The following PLXNA4 variants were observed in gnomAD, a reference collection of about 807,000 sequenced individuals.
PLXNA4 encodes plexin-A4.
In PLXNA4, 44 loss-of-function variants were observed where a neutral mutation model predicts 191.8. The ratio of observed to expected loss-of-function variants is 0.23; its 90% CI spans 0.18 to 0.29. The LOEUF (loss-of-function observed/expected upper bound fraction) is 0.29. PLXNA4 is among the 10% of genes least tolerant of loss of function. The pLI is 1.00. For synonymous variants in PLXNA4, 1,082 were observed against 1,009.5 expected (o/e 1.07, Z -1.36); for missense variants, 1,800 against 2,488.8 (o/e 0.72, Z 5.89).
At chr7:132,317,321 AGTTGG>A (rs1352505414) in intron 3 of PLXNA4, among the ~76,000 whole-genome samples, 2 of 142,888 alleles carry the variant, frequency 1.4e-5, no homozygotes, top group Non-Finnish European at 3.0e-5. Flanking sequence ...AATTGGATTG[AGTTGG>A]GTTGGGTTGG....
chr7:132,255,955 G>A (rs1196297533), intron 4 of PLXNA4, among the ~76,000 whole-genome samples: 1 of 152,248 alleles, frequency 6.6e-6, no homozygotes, highest in East Asian at 1.9e-4. Context: ...GGTTATCTGT[G>A]TTCTTTATTT....
chr7:132,238,476 C>T (rs1480208019), intron 5 of PLXNA4, among the ~76,000 whole-genome samples: 1 of 152,190 alleles, frequency 6.6e-6, no homozygotes, highest in African/African-American at 2.4e-5. Flanking sequence ...CAGTAATCTT[C>T]CCAGTGTCCC....
chr7:132,380,991 G>C (rs185305826), intron 3 of PLXNA4, among the ~76,000 whole-genome samples: 3 of 152,382 alleles, frequency 2.0e-5, no homozygotes, highest in Admixed American at 2.0e-4. Flanking sequence ...AATCTCCTGA[G>C]CTAGAGACTC....
intron 1 of PLXNA4, among the ~76,000 whole-genome samples, chr7:132,537,424 T>G (rs989420157): frequency 6.6e-6 from 1 of 152,242 alleles, no homozygotes; most frequent in African/African-American, 2.4e-5. Flanking sequence ...ACAATGAAAG[T>G]AGCCTCTTAG....
At chr7:132,389,931 G>A (rs2116985496) in intron 3 of PLXNA4, among the ~76,000 whole-genome samples, 1 of 152,304 alleles carries the variant, frequency 6.6e-6, no homozygotes, top group Admixed American at 6.5e-5. Context: ...ATGCCAGAGA[G>A]GATGTGGAGA....
chr7:132,473,077 G>C (rs1025287830), intron 3 of PLXNA4, among the ~76,000 whole-genome samples: 1 of 152,228 alleles, frequency 6.6e-6, no homozygotes, highest in Non-Finnish European at 1.5e-5. Flanking sequence ...TAGAGAGAGT[G>C]GGGGCACATT....
chr7:132,563,356 CCTT>C (rs1464194314), intron 1 of PLXNA4, among the ~76,000 whole-genome samples: 21 of 114,036 alleles, frequency 1.8e-4, no homozygotes, highest in Admixed American at 3.4e-4. Context: ...TCTTTCTCCT[CCTT>C]CTCCTCCTCC....
chr7:132,372,546 G>A (rs1423367639), intron 3 of PLXNA4, among the ~76,000 whole-genome samples: 2 of 152,148 alleles, frequency 1.3e-5, no homozygotes, highest in East Asian at 3.9e-4. Flanking sequence ...AGGCAGGAGT[G>A]GAAGCCCCCA....
chr7:132,535,343 T>G (rs1799789835), intron 1 of PLXNA4, among the ~76,000 whole-genome samples: 1 of 152,228 alleles, frequency 6.6e-6, no homozygotes, highest in African/African-American at 2.4e-5. Flanking sequence ...TTGAGGGTTC[T>G]CCTGGCTTGC....
chr7:132,577,928 C>A (rs905582871), upstream of PLXNA4, among the ~76,000 whole-genome samples: 1 of 152,176 alleles, frequency 6.6e-6, no homozygotes, highest in East Asian at 1.9e-4. Context: ...CACGAGAGAA[C>A]ATGAGTGGCC....
chr7:132,411,606 T>A (rs574255309), intron 3 of PLXNA4, among the ~76,000 whole-genome samples: 13 of 152,198 alleles, frequency 8.5e-5, no homozygotes, highest in South Asian at 6.2e-4. Context: ...TCTGCCACCA[T>A]CTGAGCACGA....
At chr7:132,644,868 CCTCT>C (rs1803835858) in intron 2 of PLXNA4, among the ~76,000 whole-genome samples, 2 of 152,064 alleles carry the variant, frequency 1.3e-5, no homozygotes, top group South Asian at 2.1e-4. Flanking sequence ...GGCCCACCTC[CCTCT>C]CTCTCTCATA....
At chr7:132,513,945 G>A (rs1798837741) in intron 1 of PLXNA4, among the ~76,000 whole-genome samples, 1 of 152,050 alleles carries the variant, frequency 6.6e-6, no homozygotes, top group Admixed American at 6.6e-5. Flanking sequence ...CAAAGTGCTG[G>A]GATTATGGGC....
chr7:132,359,713 T>G (rs986399692), intron 3 of PLXNA4, among the ~76,000 whole-genome samples: 1 of 152,200 alleles, frequency 6.6e-6, no homozygotes, highest in Non-Finnish European at 1.5e-5. Context: ...ACAAGAGAGA[T>G]AAAAATAGAG....
chr7:132,263,336 A>G (rs547677248), intron 4 of PLXNA4, among the ~76,000 whole-genome samples: 1 of 152,322 alleles, frequency 6.6e-6, no homozygotes, highest in South Asian at 2.1e-4. Context: ...CAGGCTTACC[A>G]AGAGGCAGGC....
chr7:132,502,983 G>A (rs1415903332), intron 2 of PLXNA4, among the ~76,000 whole-genome samples: 1 of 152,142 alleles, frequency 6.6e-6, no homozygotes, highest in Non-Finnish European at 1.5e-5. Flanking sequence ...GGACACTCAG[G>A]TCAAGGCTTG....
At chr7:132,132,455 CTGT>C (rs1563048253) in intron 31 of PLXNA4, among the ~76,000 whole-genome samples, 1,194 of 45,726 alleles carry the variant, frequency 0.026, 59 homozygotes, top group Admixed American at 0.034. Flanking sequence ...CTGTTCTGTT[CTGT>C]TCTGTTCTGC....
At chr7:132,595,010 TAGATAGATAGACAGAC>T (rs1214885955) in intron 2 of PLXNA4, among the ~76,000 whole-genome samples, 1,376 of 20,196 alleles carry the variant, frequency 0.068, 18 homozygotes, top group South Asian at 0.14. Flanking sequence ...GATAGATAGA[TAGATAGATAGACAGAC>T]AGACAGACAG....
intron 25 of PLXNA4, among the ~76,000 whole-genome samples, chr7:132,151,268 G>A (rs1795592229): frequency 9.9e-6 from 1 of 101,396 alleles, no homozygotes; most frequent in Admixed American, 1.1e-4. Context: ...AGGAGGAGGA[G>A]GAAGAAGAAG....
Sources: gnomAD v4.1 joint callset for allele counts (sites outside exome capture counted in the v4.1 genomes callset) on GRCh38, gnomAD v4.1.1 for gene constraint, MANE v1.5 for transcripts, NCBI Gene and HGNC (gene_info 2026-07-23, HGNC 2026-07-21) for gene names.